Variants in GUCA1C observed in about 807,000 individuals in gnomAD.
GUCA1C encodes the protein guanylyl cyclase-activating protein 3.
Under a neutral mutation model 16.2 loss-of-function variants are expected in GUCA1C, and 15 were observed. The ratio of observed to expected loss-of-function variants is 0.93; its 90% CI spans 0.62 to 1.43. GUCA1C has a LOEUF of 1.43. GUCA1C is among the 40% of genes most tolerant of loss of function. The pLI, the probability that GUCA1C is intolerant of heterozygous loss-of-function variation, is 0.00. For missense variants in GUCA1C, 275 were observed against 244.8 expected (o/e 1.12, Z -0.82); for synonymous variants, 78 against 85.4 (o/e 0.91, Z 0.48).
chr3:108,919,375 T>G (rs1418950423), intron 2 of GUCA1C, among the ~76,000 whole-genome samples: 3 of 152,260 alleles, frequency 2.0e-5, no homozygotes, highest in Admixed American at 6.5e-5. Flanking sequence ...ATTTTAAAAT[T>G]TACACGAGGT....
At chr3:108,929,613 G>A (rs145055112) in intron 1 of GUCA1C, among the ~76,000 whole-genome samples, 23 of 152,114 alleles carry the variant, frequency 1.5e-4, no homozygotes, top group Middle Eastern at 3.4e-3. Flanking sequence ...TTATCAAGTT[G>A]AGATTAACTA....
Position 108,910,125 on chromosome 3 carries a change from C to G in GUCA1C, c.443-1916G>C, listed in dbSNP as rs144121654. ...CTTTGATTTGACTGTGGATTTACGCCCCAACAAATTAAAAGAATGGGCTTC... is the reference window on the plus strand; with the variant it reads ...CTTTGATTTGACTGTGGATTTACGCGCCAACAAATTAAAAGAATGGGCTTC... On this transcript the variant is annotated intron_variant, in intron 3 of 3. Coordinates refer to ENST00000261047, the MANE Select transcript of GUCA1C (RefSeq NM_005459.4). Among the ~76,000 whole-genome samples the G allele has an allele frequency of 1.8e-3, 271 of 152,244 alleles. 3 individuals carry two copies. The highest frequency in any genetic ancestry group is 6.4e-3 in the African/African-American group (265 of 41,534).
In GUCA1C at chr3:108,952,466, C is replaced by T. The variant is rs146667831; in HGVS notation, c.204+1093G>A. ...TGGTAACAAAGCACAAAAGACCATA[C>T]CATAATGTCCTAAAGAAATCTGTTC... On this transcript the variant is annotated intron_variant, in intron 1 of 3. Transcript: ENST00000261047. Among the ~76,000 whole-genome samples the T allele has an allele frequency of 5.2e-3, 795 of 152,258 alleles. 19 individuals are homozygous for T. The highest frequency in any genetic ancestry group is 0.018 in the African/African-American group (766 of 41,554).
chr3:108,923,679 A>G (rs958556196), intron 1 of GUCA1C, among the ~76,000 whole-genome samples: 4 of 152,020 alleles, frequency 2.6e-5, no homozygotes, highest in African/African-American at 9.6e-5. Flanking sequence ...TTTTTTTTCT[A>G]GCTCTGTGAA....
In GUCA1C at chr3:108,908,023, T is replaced by C. The variant is rs1346656776; in HGVS notation, c.629A>G (p.Ter210TrpextTer2). The C allele has an allele frequency of 6.2e-7, 1 of 1,609,042 alleles. No individual in the cohort carries two copies. Among genetic ancestry groups the C allele is most frequent in the Non-Finnish European group, 8.5e-7 (1 of 1,176,918 alleles). Residue 210 changes from the stop codon to tryptophan (W), a stop_lost, in exon 4 of 4, where the codon TAG (stop) becomes TGG (tryptophan). Transcript: ENST00000261047. ...KAGLGKVKMK* is the reference protein window; with the variant it reads ...KAGLGKVKMKW ...TAGCTGGGACAGGTATTCTCACAGCTACTTCATTTTCACCTTCCCTAGACC... is the reference window on the plus strand; with the variant it reads ...TAGCTGGGACAGGTATTCTCACAGCCACTTCATTTTCACCTTCCCTAGACC...
At chr3:108,955,157 C>T (rs1313565370), upstream of GUCA1C, among the ~76,000 whole-genome samples, 1 of 152,188 alleles carries the variant, frequency 6.6e-6, no homozygotes, top group Non-Finnish European at 1.5e-5. Flanking sequence ...TATTATGAAA[C>T]CCTTGATTCC....
chr3:108,939,323 G>GTTTTTTTTTT (rs1491279760), intron 1 of GUCA1C, among the ~76,000 whole-genome samples: 24 of 33,216 alleles, frequency 7.2e-4, no homozygotes, highest in Non-Finnish European at 1.2e-3. Flanking sequence ...TTGCTTCAAG[G>GTTTTTTTTTT]CTTTTTTTTT....
chr3:108,949,157 A>AT (rs772700623), intron 1 of GUCA1C, among the ~76,000 whole-genome samples: 9 of 151,938 alleles, frequency 5.9e-5, no homozygotes, highest in East Asian at 1.9e-4. Flanking sequence ...AATTTTTCTG[A>AT]TTTTTTTGTT....
chr3:108,944,308 T>C (rs535704475), intron 1 of GUCA1C, among the ~76,000 whole-genome samples: 7 of 152,294 alleles, frequency 4.6e-5, no homozygotes, highest in Admixed American at 3.3e-4. Flanking sequence ...GATGACCCTG[T>C]CTGGCAGATG....
At chr3:108,919,072 C>G (rs1946546695) in intron 2 of GUCA1C, among the ~76,000 whole-genome samples, 1 of 152,170 alleles carries the variant, frequency 6.6e-6, no homozygotes, top group African/African-American at 2.4e-5. Context: ...CTTACACCCT[C>G]TCCACAGTGT....
chr3:108,937,596 A>T (rs1478674582), intron 1 of GUCA1C, among the ~76,000 whole-genome samples: 3 of 152,218 alleles, frequency 2.0e-5, no homozygotes, highest in African/African-American at 7.2e-5. Context: ...TAATAATAAC[A>T]TAATAAACGT....
chr3:108,934,949 G>A (rs1946708951), intron 1 of GUCA1C, among the ~76,000 whole-genome samples: 1 of 151,656 alleles, frequency 6.6e-6, no homozygotes. Flanking sequence ...GAGTAGCTGG[G>A]ACTACAGGCG....
At chr3:108,926,412 G>A (rs990552561) in intron 1 of GUCA1C, among the ~76,000 whole-genome samples, 1 of 152,132 alleles carries the variant, frequency 6.6e-6, no homozygotes, top group African/African-American at 2.4e-5. Flanking sequence ...GGAGCATTTA[G>A]GCCATCTATA....
At chr3:108,926,229 A>G (rs1559843506) in intron 1 of GUCA1C, among the ~76,000 whole-genome samples, 1 of 152,104 alleles carries the variant, frequency 6.6e-6, no homozygotes, top group Non-Finnish European at 1.5e-5. Flanking sequence ...GTTTTGTCTG[A>G]TATAAGAACA....
At chr3:108,944,337 G>A (rs1484545815) in intron 1 of GUCA1C, among the ~76,000 whole-genome samples, 1 of 152,050 alleles carries the variant, frequency 6.6e-6, no homozygotes, top group Non-Finnish European at 1.5e-5. Flanking sequence ...TGTGTTCTGA[G>A]CTAGAGAATC....
At chr3:108,932,608 A>C (rs2107300292) in intron 1 of GUCA1C, among the ~76,000 whole-genome samples, 1 of 152,290 alleles carries the variant, frequency 6.6e-6, no homozygotes, top group East Asian at 1.9e-4. Flanking sequence ...TCAGTCTCAA[A>C]ATGATATATG....
At chr3:108,910,504 A>C (rs1946440537) in intron 3 of GUCA1C, among the ~76,000 whole-genome samples, 1 of 151,954 alleles carries the variant, frequency 6.6e-6, no homozygotes, top group Non-Finnish European at 1.5e-5. Flanking sequence ...TGAAAAAAAA[A>C]AAAGGCAAAG....
intron 1 of GUCA1C, among the ~76,000 whole-genome samples, chr3:108,939,324 CTTTTTTTTTTTTTT>C (rs549981150): frequency 6.1e-5 from 2 of 32,912 alleles, no homozygotes; most frequent in Non-Finnish European, 1.2e-4. Flanking sequence ...TGCTTCAAGG[CTTTTTTTTTTTTTT>C]TTTTTTTTTT....
intron 3 of GUCA1C, among the ~76,000 whole-genome samples, chr3:108,910,495 G>GAA (rs112235016): frequency 1.4e-5 from 2 of 140,148 alleles, no homozygotes; most frequent in African/African-American, 5.2e-5. Context: ...GAGACTGTCT[G>GAA]AAAAAAAAAA....
Sources: gnomAD v4.1 joint callset for allele counts (sites outside exome capture counted in the v4.1 genomes callset) on GRCh38, gnomAD v4.1.1 for gene constraint, MANE v1.5 for transcripts, NCBI Gene and HGNC (gene_info 2026-07-23, HGNC 2026-07-21) for gene names.